MLLT6: variants seen among roughly 807,000 people sequenced by gnomAD.
The protein encoded by MLLT6 is protein AF-17.
In MLLT6, 22 loss-of-function variants were observed where a neutral mutation model predicts 103.0. The ratio of observed to expected loss-of-function variants is 0.21; its 90% CI spans 0.15 to 0.31. The LOEUF (loss-of-function observed/expected upper bound fraction) is 0.31. Ranked by LOEUF, MLLT6 falls within the 10% of genes least tolerant of loss-of-function variation. MLLT6 has a pLI of 1.00. For missense variants in MLLT6, 1,199 were observed against 1,441.7 expected (o/e 0.83, Z 2.73); for synonymous variants, 606 against 623.5 (o/e 0.97, Z 0.42).
intron 6 of MLLT6, among the ~76,000 whole-genome samples, chr17:38,710,251 G>A (rs954942015): frequency 2.6e-5 from 4 of 152,184 alleles, no homozygotes; most frequent in Admixed American, 2.0e-4. Flanking sequence ...AGCCCGAGCT[G>A]GGCTTGCCTC....
Position 38,725,824 on chromosome 17 carries a change from G to T in MLLT6, c.*226G>T, listed in dbSNP as rs1905998276. 20 of 502,516 alleles carry T rather than the reference G, an allele frequency of 4.0e-5. No homozygotes were observed. In the South Asian group the frequency reaches 6.6e-4, roughly 17 times the overall value. 31.1% of individuals were successfully genotyped at this position (502,516 alleles called of 1,614,324 possible). On this transcript the variant is annotated 3_prime_UTR_variant, in exon 20 of 20. Coordinates refer to ENST00000621332, the MANE Select transcript of MLLT6 (RefSeq NM_005937.4). The stretch of plus-strand genomic sequence containing the variant: ...CTTTCCGCACTGTCCGCTTTGTGAG[G>T]CTCAGAGGAAGGACAGTCTGCAAGC...
At position 38,716,825 on chromosome 17, in the gene MLLT6, C is replaced by T; in HGVS notation, c.1495C>T (p.Pro499Ser). Residue 499 changes from proline to serine, a missense_variant, in exon 10 of 20, where the codon CCC (proline) becomes TCC (serine). Pro to Ser is a moderately conservative substitution (Grantham distance 74). Around this residue, in one of 7 missense-constraint regions of MLLT6, gnomAD observed 1,034 missense variants for 1,091.5 expected, o/e 0.95. Coordinates refer to ENST00000621332, the MANE Select transcript of MLLT6 (RefSeq NM_005937.4). This position sits in a 1 kb window ranked among gnomAD's most constrained non-coding sequence, Gnocchi z 5.6. ...TGGGGGCCCAGCTGCCCCATCCTTGCCCAGTGCCCAGCTGGCTGGCTTTAC... is the reference window on the plus strand; with the variant it reads ...TGGGGGCCCAGCTGCCCCATCCTTGTCCAGTGCCCAGCTGGCTGGCTTTAC... ...GTGGPAAPSLPSAQLAGFTAT... is the reference protein window; with the variant it reads ...GTGGPAAPSLSSAQLAGFTAT... The T allele has an allele frequency of 6.2e-7, 1 of 1,612,472 alleles. No homozygotes were observed. Among genetic ancestry groups the T allele is most frequent in the Non-Finnish European group, 8.5e-7 (1 of 1,179,182 alleles).
At chr17:38,706,655 C>T (rs1266872573) in intron 1 of MLLT6, 10 of 315,302 alleles carry the variant, frequency 3.2e-5, no homozygotes, top group Non-Finnish European at 5.2e-5. Context: ...GATGGCTGGT[C>T]CGAGGAAGAA....
chr17:38,705,501 G>A lies in MLLT6; in HGVS notation c.-132G>A. The A allele has an allele frequency of 2.1e-6, 1 of 476,774 alleles. No homozygotes were observed. The highest frequency in any genetic ancestry group is 3.8e-6 in the Non-Finnish European group (1 of 264,828). The allele number at this position is 476,774 out of a possible 1,614,324, so 29.5% of individuals were successfully genotyped here. A position where few individuals can be genotyped will look rare whatever the true frequency, so the allele number is the denominator to read the frequency against. ...AGGAGGAAGGAGGAGGCAAAGAAAA[G>A]AAGCGGCGGCGGCGGAGGGAGAGGA... On this transcript the variant is annotated 5_prime_UTR_variant, in exon 1 of 20. Transcript: ENST00000621332.
rs1192593788 is a variant in MLLT6 at position 38,707,845 on chromosome 17, G to A, written c.327G>A (p.Gln109=). ...NVLTMEPIVL[Q]YVPHDRFNKT... ...TCACCATGGAGCCCATCGTGCTGCA[G>A]TACGTGCCTCATGATCGCTTCAACA... Residue 109 remains glutamine (Q), a synonymous_variant, in exon 4 of 20, where the codon CAG becomes CAA. Transcript: ENST00000621332. 1.2e-6 allele frequency: 2 copies of A among 1,613,112 alleles called. No individual in the cohort carries two copies. The highest frequency in any genetic ancestry group is 1.3e-5 in the African/African-American group (1 of 74,934).
intron 10 of MLLT6, 151 bp from the exon 11 acceptor site, chr17:38,717,281 A>G: frequency 1.3e-6 from 1 of 744,260 alleles, no homozygotes; most frequent in South Asian, 1.8e-5. Flanking sequence ...CCAGGCAGGA[A>G]GTGACATCTT....
chr17:38,717,331 C>T lies in MLLT6; in HGVS notation c.1652-101C>T, dbSNP rs555343539. 28 of 955,928 alleles carry T rather than the reference C, an allele frequency of 2.9e-5. No homozygotes were observed. In the East Asian group the frequency reaches 4.0e-4, roughly 14 times the overall value. 59.2% of individuals were successfully genotyped at this position (955,928 alleles called of 1,614,324 possible). ...TAGACTGGGGCATGTAGCCAGATCC[C>T]GGGGAGCACTCGAGCTGGGGAGGGG... is the stretch of plus-strand genomic sequence containing the variant. On this transcript the variant is annotated intron_variant, in intron 10 of 19. Coordinates refer to ENST00000621332, the MANE Select transcript of MLLT6 (RefSeq NM_005937.4).
At position 38,709,370 on chromosome 17, in the gene MLLT6, G is replaced by C. The variant is rs1481094536; in HGVS notation, c.458+94G>C. On this transcript the variant is annotated intron_variant, in intron 5 of 19. Coordinates refer to ENST00000621332, the MANE Select transcript of MLLT6 (RefSeq NM_005937.4). This position sits in a 1 kb window ranked among gnomAD's most constrained non-coding sequence, Gnocchi z 4.3. ...AGCTGCTGTCCCTTTGATGGTGGTG[G>C]CAATGCTTTGGATGGTCTTGGCTTC... The C allele has an allele frequency of 7.1e-7, 1 of 1,399,074 alleles. No homozygotes were observed. The allele number at this position is 1,399,074 out of a possible 1,614,324, so 86.7% of individuals were successfully genotyped here.
rs1229451297 is a variant in MLLT6 at position 38,720,712 on chromosome 17, C to T, written c.2407C>T (p.Leu803Phe). The change falls in exon 16 of 20, where the codon CTC (leucine) becomes TTC (phenylalanine). Residue 803 changes from leucine to phenylalanine, a missense_variant. Transcript: ENST00000621332. ...CAAGAGCCCTCCGGGAAAGAGCAGC[C>T]TCGGCCTGGACAACTCGCTGTCCAC... ...TSKSPPGKSS[L>F]GLDNSLSTSS... 2 of 1,613,912 alleles carry T rather than the reference C, an allele frequency of 1.2e-6. No individual in the cohort carries two copies. The highest frequency in any genetic ancestry group is 1.3e-5 in the African/African-American group (1 of 75,072).
rs1905046268 is a variant in MLLT6 at position 38,709,028 on chromosome 17, G to T, written c.355-145G>T. 1.5e-6 allele frequency: 1 copy of T among 671,568 alleles called. No homozygotes were observed. Among genetic ancestry groups the T allele is most frequent in the East Asian group, 2.5e-5 (1 of 39,584 alleles). 41.6% of individuals were successfully genotyped at this position (671,568 alleles called of 1,614,324 possible). ...TTTGTCTTGGACGGCGCAGACCATA[G>T]AGCGTTTTCATCACTGCAGACAGTT... On this transcript the variant is annotated intron_variant, in intron 4 of 19. Transcript: ENST00000621332. This position sits in a 1 kb window ranked among gnomAD's most constrained non-coding sequence, Gnocchi z 4.3.
chr17:38,713,404 C>T (rs1905212395), intron 8 of MLLT6: 2 of 286,378 alleles, frequency 7.0e-6, no homozygotes, highest in South Asian at 1.6e-4. Context: ...GCTGGAACAG[C>T]CCTCCCTGCT....
In MLLT6 at chr17:38,716,293, G is replaced by T; in HGVS notation, c.1037-74G>T. On this transcript the variant is annotated intron_variant, in intron 9 of 19. Coordinates refer to ENST00000621332, the MANE Select transcript of MLLT6 (RefSeq NM_005937.4). The surrounding 1 kb of genome is among the most constrained non-coding windows in gnomAD (Gnocchi z 5.6). ...CATTCGTGGACCAGAGCTCTCTCCC[G>T]CCAGTACACGCGGGAGTGGGAGGGA... 1 of 1,480,488 alleles carries T rather than the reference G, an allele frequency of 6.8e-7. No individual in the cohort carries two copies. Among genetic ancestry groups the T allele is most frequent in the Non-Finnish European group, 9.2e-7 (1 of 1,085,984 alleles). 91.7% of individuals were successfully genotyped at this position (1,480,488 alleles called of 1,614,324 possible).
chr17:38,711,956 C>T lies in MLLT6; in HGVS notation c.662C>T (p.Ala221Val). The change falls in exon 7 of 20, where the codon GCC becomes GTC. Residue 221 changes from alanine (A) to valine (V), a missense_variant. Transcript: ENST00000621332. The stretch of plus-strand genomic sequence containing the variant: ...ATCTCTGGGAGGAGAAGCCGGTCAG[C>T]CTCACCATCCACGCAGCAGGAGAAG... ...GFISGRRSRSASPSTQQEKHP... is the reference protein window; with the variant it reads ...GFISGRRSRSVSPSTQQEKHP... 1 of 1,609,188 alleles carries T rather than the reference C, an allele frequency of 6.2e-7. No homozygotes were observed. Among genetic ancestry groups the T allele is most frequent in the Non-Finnish European group, 8.5e-7 (1 of 1,177,260 alleles).
rs771766835 is a variant in MLLT6 at position 38,709,536 on chromosome 17, C to T, written c.513C>T (p.Val171=). Residue 171 remains valine (V), a synonymous_variant, in exon 6 of 20, where the codon GTC becomes GTT. Coordinates refer to ENST00000621332, the MANE Select transcript of MLLT6 (RefSeq NM_005937.4). This position sits in a 1 kb window ranked among gnomAD's most constrained non-coding sequence, Gnocchi z 4.3. ...CEEEVLEVDN[V]KYCGYCKYHF... ...AAGAAGTGCTGGAGGTGGACAACGT[C>T]AAGTACTGCGGCTACTGCAAATACC... 3.1e-6 allele frequency: 5 copies of T among 1,614,092 alleles called. No homozygotes were observed. Among genetic ancestry groups the T allele is most frequent in the Non-Finnish European group, 3.4e-6 (4 of 1,180,028 alleles).
Position 38,719,922 on chromosome 17 carries a change from C to G in MLLT6, c.2155+27C>G, listed in dbSNP as rs371341094. Reference sequence around the variant, plus strand: ...TGAGGAGGGGTGGCGCCGGTCGGGACGCCTGCCCTAGGGCCCTAACAGTCA... The same window carrying G: ...TGAGGAGGGGTGGCGCCGGTCGGGAGGCCTGCCCTAGGGCCCTAACAGTCA... On this transcript the variant is annotated intron_variant, in intron 14 of 19. Transcript: ENST00000621332. 104 of 1,547,826 alleles carry G rather than the reference C, an allele frequency of 6.7e-5. No homozygotes were observed. The African/African-American group carries it at 1.3e-3, about 20-fold the overall frequency.
Position 38,725,747 on chromosome 17 carries a change from G to A in MLLT6, c.*149G>A. ...GGTCCAGGGAGTGTGGAGAGCTCCT[G>A]GTGTCGAGGACTGAGACTGAGAGGG... On this transcript the variant is annotated 3_prime_UTR_variant, in exon 20 of 20. Coordinates refer to ENST00000621332, the MANE Select transcript of MLLT6 (RefSeq NM_005937.4). 1.5e-6 allele frequency: 1 copy of A among 653,032 alleles called. No homozygotes were observed. The highest frequency in any genetic ancestry group is 2.6e-6 in the Non-Finnish European group (1 of 392,122). The allele number at this position is 653,032 out of a possible 1,614,324, so 40.5% of individuals were successfully genotyped here.
chr17:38,720,300 GCCCC>G, intron 14 of MLLT6, 68 bp from the exon 15 acceptor site: 3 of 726,384 alleles, frequency 4.1e-6, no homozygotes, highest in Non-Finnish European at 6.7e-6. Flanking sequence ...TCCCCTCCAG[GCCCC>G]GCCCCCGGTC....
chr17:38,706,122 C>G (rs954758948), intron 1 of MLLT6: 4 of 152,856 alleles, frequency 2.6e-5, no homozygotes, highest in Middle Eastern at 3.3e-3. Context: ...AAGGGGGGGG[C>G]GTCATCCCCC....
intron 6 of MLLT6, 94 bp from the exon 7 acceptor site, chr17:38,711,753 C>A: frequency 7.0e-7 from 1 of 1,423,024 alleles, no homozygotes; most frequent in Non-Finnish European, 9.3e-7. Flanking sequence ...GCACATGGGG[C>A]TGACCCCCAG....
Sources: allele counts gnomAD v4.1 joint callset (sites outside exome capture counted in the v4.1 genomes callset), GRCh38; gene constraint gnomAD v4.1.1; regional missense constraint gnomAD v4.1.1; non-coding constraint Gnocchi (gnomAD v3.1); transcripts MANE v1.5; gene names NCBI Gene and HGNC (gene_info 2026-07-23, HGNC 2026-07-21).